BTBD16: variants seen among roughly 807,000 people sequenced by gnomAD.
BTBD16 encodes BTB domain containing 16, also known as BTB/POZ domain-containing protein 16.
A neutral mutation model predicts 67.4 loss-of-function variants in BTBD16; 66 were observed. The observed-to-expected ratio is 0.98, with a 90% CI of 0.80 to 1.20. The LOEUF is 1.20. Ranked by LOEUF, BTBD16 falls within the 50% of genes most tolerant of loss-of-function variation. The pLI, the probability that BTBD16 is intolerant of heterozygous loss-of-function variation, is 0.00. For synonymous variants in BTBD16, 242 were observed against 236.4 expected, an observed-to-expected ratio of 1.02 and a Z score of -0.22; for missense variants, 634 against 616.0, an observed-to-expected ratio of 1.03 and a Z score of -0.31.
intron 10 of BTBD16, among the ~76,000 whole-genome samples, chr10:122,318,622 G>C (rs1201477252): frequency 6.6e-6 from 1 of 152,214 alleles, no homozygotes; most frequent in Non-Finnish European, 1.5e-5. Flanking sequence ...GTCTCACTCT[G>C]TTGCCCAGGC....
chr10:122,284,021 G>T (rs765651032), intron 4 of BTBD16, 97 bp downstream of exon 4: 3 of 877,240 alleles, frequency 3.4e-6, no homozygotes, highest in East Asian at 4.9e-5. Context: ...AAACCAGGGC[G>T]CTAGTGTATA....
intron 7 of BTBD16, 56 bp from the exon 8 acceptor site, chr10:122,297,712 C>T (rs1003757380): frequency 1.6e-5 from 26 of 1,587,022 alleles, no homozygotes; most frequent in African/African-American, 1.2e-4. Flanking sequence ...TGGGACTTTC[C>T]GCTTCTCCAA....
chr10:122,301,108 T>G (rs1334612823), intron 9 of BTBD16, among the ~76,000 whole-genome samples: 3 of 152,170 alleles, frequency 2.0e-5, no homozygotes, highest in African/African-American at 7.2e-5. Context: ...TTCTCTGCTT[T>G]TCCCCACTCA....
intron 9 of BTBD16, among the ~76,000 whole-genome samples, chr10:122,301,837 GA>G (rs1212544940): frequency 2.0e-5 from 3 of 152,144 alleles, no homozygotes; most frequent in Non-Finnish European, 4.4e-5. Context: ...CCTGATATAA[GA>G]GGGCTAACGA....
intron 10 of BTBD16, among the ~76,000 whole-genome samples, chr10:122,323,378 G>A (rs2096438793): frequency 6.6e-6 from 1 of 152,188 alleles, no homozygotes; most frequent in South Asian, 2.1e-4. Context: ...AGGGCCTAGG[G>A]ATGACTCTCC....
At position 122,338,101 on chromosome 10, in the gene BTBD16, T is replaced by A. The variant is rs2096466130; in HGVS notation, c.*16T>A. ...AGCATCTTGACAGTTTCCAGAAGAA[T>A]CTATGGGATTTTCCCCCCACTGGTC... On this transcript the variant is annotated 3_prime_UTR_variant, in exon 16 of 16. Transcript: ENST00000260723. 4 of 1,567,946 alleles carry A rather than the reference T, an allele frequency of 2.6e-6. No individual in the cohort carries two copies. The highest frequency in any genetic ancestry group is 3.3e-5 in the Admixed American group (2 of 59,762).
chr10:122,332,173 A>G (rs2096456188), intron 12 of BTBD16: 2 of 414,298 alleles, frequency 4.8e-6, no homozygotes, highest in African/African-American at 2.0e-5. Flanking sequence ...CCATGCACAC[A>G]TTTTATTTCC....
At chr10:122,287,406 T>C in intron 5 of BTBD16, 1 of 985,236 alleles carries the variant, frequency 1.0e-6, no homozygotes, top group Non-Finnish European at 1.2e-6. Context: ...AATGGGTCCC[T>C]AAAATGAAAA....
chr10:122,279,217 C>T (rs2096347106), intron 3 of BTBD16, among the ~76,000 whole-genome samples: 1 of 152,038 alleles, frequency 6.6e-6, no homozygotes, highest in African/African-American at 2.4e-5. Context: ...GTGGCTCATA[C>T]TTGTCATCCT....
intron 11 of BTBD16, 100 bp from the exon 12 acceptor site, chr10:122,331,076 C>T: frequency 1.3e-6 from 2 of 1,490,134 alleles, no homozygotes; most frequent in Non-Finnish European, 1.8e-6. Context: ...CTTTCCCTTC[C>T]CTCAGCTCCG....
At chr10:122,296,020 A>ATT (rs1270911990) in intron 7 of BTBD16, among the ~76,000 whole-genome samples, 1 of 152,070 alleles carries the variant, frequency 6.6e-6, no homozygotes, top group Non-Finnish European at 1.5e-5. Context: ...TAACTCTAAT[A>ATT]ACCACACTTT....
chr10:122,279,545 C>CACACACAT (rs1398945812), intron 3 of BTBD16, among the ~76,000 whole-genome samples: 2 of 150,654 alleles, frequency 1.3e-5, no homozygotes, highest in African/African-American at 2.5e-5. Context: ...CACACACACA[C>CACACACAT]ATCTTTTCTT....
chr10:122,305,278 G>T (rs1028604508), intron 9 of BTBD16, among the ~76,000 whole-genome samples: 1 of 152,196 alleles, frequency 6.6e-6, no homozygotes, highest in Non-Finnish European at 1.5e-5. Context: ...TAATATCCTT[G>T]ATATAGTTTA....
chr10:122,275,730 G>C (rs1303691359), intron 2 of BTBD16, among the ~76,000 whole-genome samples: 1 of 152,136 alleles, frequency 6.6e-6, no homozygotes, highest in Non-Finnish European at 1.5e-5. Context: ...TTCCTTGCTA[G>C]GTTGCTTTGA....
chr10:122,296,697 T>A (rs1448022472), intron 7 of BTBD16, among the ~76,000 whole-genome samples: 2 of 152,122 alleles, frequency 1.3e-5, no homozygotes, highest in Non-Finnish European at 2.9e-5. Flanking sequence ...CATGCCCTCC[T>A]TGGAGGGAGG....
At chr10:122,297,878 G>T (rs200131780) in intron 8 of BTBD16, 41 bp downstream of exon 8, 12 of 1,589,486 alleles carry the variant, frequency 7.5e-6, no homozygotes, top group South Asian at 1.1e-5. Flanking sequence ...CCTTGGGGGG[G>T]CCTTCAGGAG....
intron 14 of BTBD16, among the ~76,000 whole-genome samples, chr10:122,336,151 T>G (rs185415092): frequency 6.6e-6 from 1 of 152,336 alleles, no homozygotes; most frequent in Admixed American, 6.5e-5. Flanking sequence ...AATGAATTCT[T>G]CTGGGTGGAA....
chr10:122,312,847 C>T (rs2096416507), intron 10 of BTBD16, among the ~76,000 whole-genome samples: 1 of 152,112 alleles, frequency 6.6e-6, no homozygotes, highest in East Asian at 1.9e-4. Flanking sequence ...AATACCTTCC[C>T]TCTGTGGCTG....
rs776005634 is a variant in BTBD16, at chr10:122,337,998, G to T, written c.1453-19G>T. Reference sequence around the variant, plus strand: ...TCATCCTAAAAGTCACATTCACTTTGTTTTTTTTCATGTTTTAGACCTTGA... The same window carrying T: ...TCATCCTAAAAGTCACATTCACTTTTTTTTTTTTCATGTTTTAGACCTTGA... On this transcript the variant is annotated intron_variant, in intron 15 of 15. Transcript: ENST00000260723. The T allele has an allele frequency of 1.9e-6, 3 of 1,595,818 alleles. No homozygotes were observed. The highest frequency in any genetic ancestry group is 1.7e-4 in the Middle Eastern group (1 of 6,018).
Sources: gnomAD v4.1 joint callset for allele counts (sites outside exome capture counted in the v4.1 genomes callset) on GRCh38, gnomAD v4.1.1 for gene constraint, MANE v1.5 for transcripts, NCBI Gene and HGNC (gene_info 2026-07-23, HGNC 2026-07-21) for gene names.